Variants in MYO3B observed in about 807,000 individuals in gnomAD.
MYO3B encodes myosin-IIIb.
MYO3B carries 156 observed loss-of-function variants against 174.6 expected under a neutral mutation model. The observed-to-expected ratio is 0.89, with a 90% CI of 0.78 to 1.02. The LOEUF (loss-of-function observed/expected upper bound fraction) is 1.02, where lower values mean the gene tolerates loss of function less well. Ranked by LOEUF, MYO3B falls within the 50% of genes least tolerant of loss-of-function variation. The pLI is 0.00. For missense variants in MYO3B, 1,632 were observed against 1,639.4 expected (o/e 1.00, Z 0.08); for synonymous variants, 563 against 569.1 (o/e 0.99, Z 0.15).
intron 25 of MYO3B, among the ~76,000 whole-genome samples, chr2:170,486,885 T>C (rs556506047): frequency 6.6e-6 from 1 of 152,370 alleles, no homozygotes; most frequent in African/African-American, 2.4e-5. Context: ...ACCCCGGTTC[T>C]ACCCTCAAGG....
chr2:170,633,039 G>C (rs958983198), intron 32 of MYO3B, among the ~76,000 whole-genome samples: 2 of 152,092 alleles, frequency 1.3e-5, no homozygotes, highest in Non-Finnish European at 2.9e-5. Flanking sequence ...TTCTACCAGA[G>C]GTACAAGGAG....
chr2:170,489,988 T>C (rs1341316543), intron 25 of MYO3B, among the ~76,000 whole-genome samples: 1 of 152,018 alleles, frequency 6.6e-6, no homozygotes, highest in Admixed American at 6.6e-5. Context: ...TACATTAAAA[T>C]GCTATTACAA....
chr2:170,628,843 C>T (rs976209199), intron 32 of MYO3B, among the ~76,000 whole-genome samples: 1 of 152,130 alleles, frequency 6.6e-6, no homozygotes, highest in African/African-American at 2.4e-5. Context: ...GATATTTTTA[C>T]CAAACAATTT....
At chr2:170,426,949 C>T (rs965209663) in intron 22 of MYO3B, among the ~76,000 whole-genome samples, 87 of 151,550 alleles carry the variant, frequency 5.7e-4, no homozygotes, top group African/African-American at 4.4e-4. Context: ...AACTGGGAGG[C>T]GGAGGATGCA....
chr2:170,413,082 C>CA (rs2094556122), intron 22 of MYO3B, among the ~76,000 whole-genome samples: 1 of 151,908 alleles, frequency 6.6e-6, no homozygotes, highest in African/African-American at 2.4e-5. Context: ...AAAAGATGAA[C>CA]AAAAAATCTA....
At chr2:170,614,687 C>G (rs1227952488) in intron 32 of MYO3B, among the ~76,000 whole-genome samples, 2 of 152,194 alleles carry the variant, frequency 1.3e-5, no homozygotes. Flanking sequence ...GATGTTGATG[C>G]TGCTGGTCCA....
intron 7 of MYO3B, among the ~76,000 whole-genome samples, chr2:170,298,935 T>C (rs944079178): frequency 1.8e-4 from 27 of 152,136 alleles, no homozygotes; most frequent in Admixed American, 8.5e-4. Context: ...CCTATAATAT[T>C]CAGTAGAGTA....
chr2:170,428,668 C>T (rs1288641865), intron 22 of MYO3B, among the ~76,000 whole-genome samples: 1 of 152,188 alleles, frequency 6.6e-6, no homozygotes, highest in African/African-American at 2.4e-5. Context: ...ACATTACACA[C>T]TGTTCGTTGT....
At chr2:170,239,749 C>T (rs1400884875) in intron 7 of MYO3B, among the ~76,000 whole-genome samples, 1 of 152,212 alleles carries the variant, frequency 6.6e-6, no homozygotes, top group Non-Finnish European at 1.5e-5. Flanking sequence ...GGCTTGTTTC[C>T]CTCACTAAAT....
At chr2:170,630,128 G>A (rs909516591) in intron 32 of MYO3B, among the ~76,000 whole-genome samples, 1 of 152,212 alleles carries the variant, frequency 6.6e-6, no homozygotes, top group African/African-American at 2.4e-5. Context: ...GAAGCACAAG[G>A]GATCGGGGGA....
chr2:170,470,339 A>G (rs1479976415), intron 25 of MYO3B, among the ~76,000 whole-genome samples: 1 of 152,124 alleles, frequency 6.6e-6, no homozygotes, highest in Non-Finnish European at 1.5e-5. Context: ...ATTTCGTGTA[A>G]ATGGAATCAT....
chr2:170,286,339 G>A (rs2093556241), intron 7 of MYO3B, among the ~76,000 whole-genome samples: 1 of 152,090 alleles, frequency 6.6e-6, no homozygotes. Context: ...CTAAAGCTGG[G>A]GGCATGAATA....
intron 6 of MYO3B, among the ~76,000 whole-genome samples, chr2:170,225,909 A>G (rs902585705): frequency 1.3e-5 from 2 of 151,944 alleles, no homozygotes; most frequent in Non-Finnish European, 2.9e-5. Flanking sequence ...TGTTGCCCCT[A>G]TGCCTACCTC....
rs1224036438 is a variant in MYO3B at position 170,498,595 on chromosome 2, T to C, written c.3018T>C (p.Tyr1006=). 1.2e-6 allele frequency: 2 copies of C among 1,611,282 alleles called. No homozygotes were observed. Among genetic ancestry groups the C allele is most frequent in the Admixed American group, 3.3e-5 (2 of 59,950 alleles). The change falls in exon 26 of 35, where the codon TAT becomes TAC. Residue 1006 remains tyrosine, a synonymous_variant. Transcript: ENST00000408978. ...ACTTAATTCTTTTATTTTGCAGGTA[T>C]TATTACTTGGCATTCACAGCACATC... ...RILFEEFVKR[Y]YYLAFTAHQT... is the part of the protein sequence containing the mutation.
intron 7 of MYO3B, among the ~76,000 whole-genome samples, chr2:170,316,621 C>G (rs922033550): frequency 1.3e-5 from 2 of 152,202 alleles, no homozygotes; most frequent in Non-Finnish European, 2.9e-5. Context: ...GATGTGTGAA[C>G]AAAATGTCTT....
chr2:170,547,887 C>A (rs543748110), intron 32 of MYO3B, among the ~76,000 whole-genome samples: 2 of 151,932 alleles, frequency 1.3e-5, no homozygotes, highest in South Asian at 4.2e-4. Context: ...TAAGGGGTGG[C>A]CCAGGCGTAG....
chr2:170,230,023 G>A (rs1306397906), intron 6 of MYO3B, among the ~76,000 whole-genome samples: 1 of 152,092 alleles, frequency 6.6e-6, no homozygotes, highest in East Asian at 1.9e-4. Flanking sequence ...ATCTGCCACT[G>A]GAATAGTTAT....
At chr2:170,333,747 C>T (rs534691045) in intron 7 of MYO3B, among the ~76,000 whole-genome samples, 5 of 152,308 alleles carry the variant, frequency 3.3e-5, no homozygotes, top group South Asian at 2.1e-4. Flanking sequence ...TCAAGTTTAT[C>T]TTCTATAAAG....
intron 32 of MYO3B, among the ~76,000 whole-genome samples, chr2:170,632,412 G>C (rs1257870913): frequency 6.6e-6 from 1 of 152,116 alleles, no homozygotes; most frequent in Non-Finnish European, 1.5e-5. Flanking sequence ...CAGAAATAAA[G>C]ATGTTCTTTG....
Sources: allele counts gnomAD v4.1 joint callset (sites outside exome capture counted in the v4.1 genomes callset), GRCh38; gene constraint gnomAD v4.1.1; transcripts MANE v1.5; gene names NCBI Gene and HGNC (gene_info 2026-07-23, HGNC 2026-07-21).